Variants in CAMKK2 observed in about 807,000 individuals in gnomAD.
The protein encoded by CAMKK2 is calcium/calmodulin-dependent protein kinase kinase 2.
Under a neutral mutation model 67.2 loss-of-function variants are expected in CAMKK2, and 30 were observed. The ratio of observed to expected loss-of-function variants is 0.45; its 90% CI spans 0.33 to 0.61. CAMKK2 has a LOEUF of 0.61. Ranked by LOEUF, CAMKK2 falls within the 20% of genes least tolerant of loss-of-function variation. The pLI is 0.02. For missense variants in CAMKK2, 643 were observed against 802.0 expected, an observed-to-expected ratio of 0.80 and a Z score of 2.39; for synonymous variants, 322 against 326.2, an observed-to-expected ratio of 0.99 and a Z score of 0.14.
At chr12:121,257,193 T>C (rs999698567) in intron 7 of CAMKK2, among the ~76,000 whole-genome samples, 3 of 152,050 alleles carry the variant, frequency 2.0e-5, no homozygotes, top group South Asian at 4.2e-4. Context: ...TATTAAAACA[T>C]CTCATGTAAC....
chr12:121,269,528 A>C lies in CAMKK2; in HGVS notation c.573T>G (p.Tyr191Ter). 3 of 1,601,898 alleles carry C rather than the reference A, an allele frequency of 1.9e-6. No homozygotes were observed. Among genetic ancestry groups the C allele is most frequent in the Non-Finnish European group, 2.6e-6 (3 of 1,172,194 alleles). Residue 191 changes from tyrosine (Y) to a stop codon, truncating the protein, a stop_gained and splice_region_variant, in exon 4 of 17, where the codon TAT (tyrosine) becomes TAG (stop). Transcript: ENST00000404169. LOFTEE classifies it high-confidence loss of function. ...CAGGGAGGAGAATGCGGATACTCAC[A>C]TAGTAGGTATTGTCATTTTCATTGT... ...LAYNENDNTY[Y>*]AMKVLSKKKL...
At chr12:121,249,922 C>A in intron 12 of CAMKK2, 39 bp downstream of exon 12, 1 of 1,613,330 alleles carries the variant, frequency 6.2e-7, no homozygotes. Context: ...CCGCCAAGAA[C>A]TCGGACAGGA....
At chr12:121,244,403 C>T (rs1031824232) in intron 16 of CAMKK2, among the ~76,000 whole-genome samples, 170 bp downstream of exon 16, 2 of 152,222 alleles carry the variant, frequency 1.3e-5, no homozygotes, top group Admixed American at 6.5e-5. Flanking sequence ...TCCAAGCCCC[C>T]GAGGCCCCTC....
In CAMKK2 at chr12:121,253,062, G is replaced by T. The variant is rs148489276; in HGVS notation, c.1107+211C>A. 6.0e-4 allele frequency among the ~76,000 whole-genome samples: 91 copies of T among 152,312 alleles called. No homozygotes were observed. Among genetic ancestry groups the T allele is most frequent in the African/African-American group, 2.0e-3 (85 of 41,578 alleles). On this transcript the variant is annotated intron_variant, in intron 10 of 16. Coordinates refer to ENST00000404169, the MANE Select transcript of CAMKK2 (RefSeq NM_001270485.2). The surrounding 1 kb of genome is among the most constrained non-coding windows in gnomAD (Gnocchi z 5.0). ...GTCCCTGGGTGCCTGACCCACCTGT[G>T]GAGGAAACCAAATAAGAAAAACAAC...
chr12:121,291,507 A>G (rs1321705425), intron 1 of CAMKK2, among the ~76,000 whole-genome samples: 1 of 152,228 alleles, frequency 6.6e-6, no homozygotes, highest in Non-Finnish European at 1.5e-5. Flanking sequence ...ATGCTGAATG[A>G]AAGAAGCCAG....
intron 7 of CAMKK2, among the ~76,000 whole-genome samples, chr12:121,258,024 T>A (rs1267798463): frequency 1.7e-4 from 6 of 36,026 alleles, no homozygotes; most frequent in African/African-American, 5.3e-4. Flanking sequence ...GTTTTCTACT[T>A]TTTTTTTTTT....
chr12:121,265,333 C>T (rs1245430444), intron 5 of CAMKK2, among the ~76,000 whole-genome samples: 3 of 150,222 alleles, frequency 2.0e-5, no homozygotes, highest in South Asian at 2.1e-4. Context: ...GTGGGAGACA[C>T]GCGTCATATA....
At chr12:121,275,617 A>G (rs1182245716) in intron 1 of CAMKK2, among the ~76,000 whole-genome samples, 1 of 152,120 alleles carries the variant, frequency 6.6e-6, no homozygotes, top group East Asian at 1.9e-4. Flanking sequence ...TTCTATTTAT[A>G]TGAAATTTTT....
chr12:121,269,515 T>C lies in CAMKK2; in HGVS notation c.573+13A>G. ...ATAAGGATGGGGGCAGGGAGGAGAA[T>C]GCGGATACTCACATAGTAGGTATTG... On this transcript the variant is annotated intron_variant, in intron 4 of 16. Transcript: ENST00000404169. 6.3e-7 allele frequency: 1 copy of C among 1,591,544 alleles called. No homozygotes were observed. The highest frequency in any genetic ancestry group is 1.1e-5 in the South Asian group (1 of 88,528).
chr12:121,277,587 G>A (rs78344238), intron 1 of CAMKK2, among the ~76,000 whole-genome samples: 183 of 152,280 alleles, frequency 1.2e-3, no homozygotes, highest in African/African-American at 4.2e-3. Flanking sequence ...CAACACAGAC[G>A]AACCGTGAAG....
At chr12:121,261,316 G>A (rs192495451) in intron 6 of CAMKK2, among the ~76,000 whole-genome samples, 10 of 152,278 alleles carry the variant, frequency 6.6e-5, no homozygotes, top group Non-Finnish European at 1.3e-4. Context: ...AGGACCCAGG[G>A]CCCCTCGCTA....
intron 1 of CAMKK2, among the ~76,000 whole-genome samples, chr12:121,289,644 G>A (rs963805604): frequency 1.3e-5 from 2 of 152,202 alleles, no homozygotes; most frequent in Non-Finnish European, 2.9e-5. Context: ...TGTAATCCCA[G>A]CACTTTCGGA....
At chr12:121,255,698 A>T (rs1194769819) in intron 8 of CAMKK2, 60 bp from the exon 9 acceptor site, 1 of 1,606,938 alleles carries the variant, frequency 6.2e-7, no homozygotes, top group Non-Finnish European at 8.5e-7. Flanking sequence ...GCCCTCTCTC[A>T]TGAGCAGAGC....
chr12:121,274,347 C>T lies in CAMKK2; in HGVS notation c.180G>A (p.Pro60=), dbSNP rs200263730. Residue 60 remains proline, a synonymous_variant, in exon 2 of 17, where the codon CCG becomes CCA. Transcript: ENST00000404169. ...CCAAGCCGAGGTCCACAGCACAGCCCGGCTCACACTCGGTGACCACAATGA... is the reference window on the plus strand; with the variant it reads ...CCAAGCCGAGGTCCACAGCACAGCCTGGCTCACACTCGGTGACCACAATGA... ...ESFIVVTECE[P]GCAVDLGLAR... 3.7e-6 allele frequency: 6 copies of T among 1,613,514 alleles called. No individual in the cohort carries two copies. In the East Asian group the frequency reaches 6.7e-5, roughly 18 times the overall value.
intron 14 of CAMKK2, among the ~76,000 whole-genome samples, chr12:121,246,375 G>A (rs1259355345): frequency 2.0e-5 from 3 of 151,640 alleles, no homozygotes; most frequent in African/African-American, 7.3e-5. Context: ...GAGAAACCGC[G>A]TCTCCACTAA....
chr12:121,284,361 G>C (rs1190740945), intron 1 of CAMKK2, among the ~76,000 whole-genome samples: 1 of 152,202 alleles, frequency 6.6e-6, no homozygotes, highest in Non-Finnish European at 1.5e-5. Context: ...GTCTCGCTCT[G>C]TTGCCCAGGC....
intron 1 of CAMKK2, among the ~76,000 whole-genome samples, chr12:121,287,435 A>G (rs940159437): frequency 2.0e-5 from 3 of 152,090 alleles, no homozygotes; most frequent in African/African-American, 7.2e-5. Context: ...GACTCAGAGA[A>G]GTTGAGATGA....
rs779162339 is a variant in CAMKK2, at chr12:121,248,577, G to T, written c.1452+29C>A. On this transcript the variant is annotated intron_variant, in intron 14 of 16. Coordinates refer to ENST00000404169, the MANE Select transcript of CAMKK2 (RefSeq NM_001270485.2). ...CCCCACCTCAGGCTCCTGGGTCCCTGCTCTGGGTCAGGGGTCCATCCACCT... is the reference window on the plus strand; with the variant it reads ...CCCCACCTCAGGCTCCTGGGTCCCTTCTCTGGGTCAGGGGTCCATCCACCT... The T allele has an allele frequency of 4.3e-6, 7 of 1,613,778 alleles. No individual in the cohort carries two copies. In the Admixed American group the frequency reaches 1.2e-4, roughly 27 times the overall value.
At chr12:121,252,109 TA>T (rs34851496) in intron 11 of CAMKK2, among the ~76,000 whole-genome samples, 32,611 of 152,064 alleles carry the variant, frequency 0.21, 3,948 homozygotes, top group Non-Finnish European at 0.28. Context: ...GTCCTTGCCC[TA>T]AATTTATCAA....
Sources: gnomAD v4.1 joint callset for allele counts (sites outside exome capture counted in the v4.1 genomes callset) on GRCh38, gnomAD v4.1.1 for gene constraint, Gnocchi (gnomAD v3.1) non-coding constraint, MANE v1.5 for transcripts, NCBI Gene and HGNC (gene_info 2026-07-23, HGNC 2026-07-21) for gene names.